Variants in TXNL4B observed in about 807,000 individuals in gnomAD.
TXNL4B encodes the protein thioredoxin-like protein 4B.
A neutral mutation model predicts 13.0 loss-of-function variants in TXNL4B; 12 were observed. The ratio of observed to expected loss-of-function variants is 0.92; its 90% CI spans 0.59 to 1.49. TXNL4B has a LOEUF of 1.49. TXNL4B is among the 40% of genes most tolerant of loss of function. The probability of loss-of-function intolerance (pLI) is 0.00; values close to 1 mark genes in which losing one functional copy is unlikely to be tolerated. For missense variants in TXNL4B, 214 were observed against 173.6 expected (o/e 1.23, Z -1.31); for synonymous variants, 59 against 58.9 (o/e 1.00, Z -0.01).
intron 1 of TXNL4B, among the ~76,000 whole-genome samples, chr16:72,093,139 C>CA (rs1567599875): frequency 6.6e-6 from 1 of 151,462 alleles, no homozygotes; most frequent in Admixed American, 6.6e-5. Context: ...GCAGAAACAC[C>CA]AAAAAAAGAA....
At chr16:72,092,419 CAA>C (rs34306814) in intron 1 of TXNL4B, among the ~76,000 whole-genome samples, 5 of 135,364 alleles carry the variant, frequency 3.7e-5, no homozygotes, top group Admixed American at 7.6e-5. Flanking sequence ...GCTCCGTCTC[CAA>C]AAAAAAAAAA....
Position 72,086,418 on chromosome 16 carries a change from G to C in TXNL4B, c.*219C>G, listed in dbSNP as rs1597426898. 1 of 413,960 alleles carries C rather than the reference G, an allele frequency of 2.4e-6. No individual in the cohort carries two copies. Among genetic ancestry groups the C allele is most frequent in the East Asian group, 3.6e-5 (1 of 27,898 alleles). 25.6% of individuals were successfully genotyped at this position (413,960 alleles called of 1,614,324 possible). On this transcript the variant is annotated 3_prime_UTR_variant, in exon 4 of 4. Transcript: ENST00000268483. ...TGGGGAAAATGAACACCAATGACTTGGCTGCTCTGAGGCTTGCAGGGAGTA... is the reference window on the plus strand; with the variant it reads ...TGGGGAAAATGAACACCAATGACTTCGCTGCTCTGAGGCTTGCAGGGAGTA...
chr16:72,089,660 G>A (rs563279367), intron 2 of TXNL4B, among the ~76,000 whole-genome samples: 1 of 152,326 alleles, frequency 6.6e-6, no homozygotes, highest in South Asian at 2.1e-4. Flanking sequence ...AATATGTTAT[G>A]TGGATACTGA....
chr16:72,089,849 G>T (rs939391248), intron 2 of TXNL4B, among the ~76,000 whole-genome samples: 1 of 152,172 alleles, frequency 6.6e-6, no homozygotes, highest in South Asian at 2.1e-4. Context: ...CCATTTTATA[G>T]ATAGGGAAAC....
rs558244948 is a variant in TXNL4B at position 72,092,046 on chromosome 16, C to A, written c.-37-1260G>T. On this transcript the variant is annotated intron_variant, in intron 1 of 3. Transcript: ENST00000268483. ...CTATAAGAGACTCCATTGAGATGGTCGGTATTTTGAATTCAGTTCCAAATA... is the reference window on the plus strand; with the variant it reads ...CTATAAGAGACTCCATTGAGATGGTAGGTATTTTGAATTCAGTTCCAAATA... Among the ~76,000 whole-genome samples the A allele has an allele frequency of 5.6e-4, 85 of 152,268 alleles. 1 individual carries two copies. Among genetic ancestry groups the A allele is most frequent in the African/African-American group, 1.8e-3 (73 of 41,548 alleles).
chr16:72,088,137 T>G (rs150919531), intron 3 of TXNL4B, among the ~76,000 whole-genome samples: 1 of 152,252 alleles, frequency 6.6e-6, no homozygotes, highest in African/African-American at 2.4e-5. Context: ...CTAATTTTTG[T>G]ATTTTTAGTA....
rs1362049253 is a variant in TXNL4B, at chr16:72,085,341, C to T, written c.*1296G>A. ...GGCTGCTAGGCAGGTCACAAGCTGC[C>T]TCACCCATGGCTCTCCAGCTCTGCA... On this transcript the variant is annotated 3_prime_UTR_variant, in exon 4 of 4. Transcript: ENST00000268483. 3.9e-6 allele frequency: 1 copy of T among 254,346 alleles called. No individual in the cohort carries two copies. The highest frequency in any genetic ancestry group is 7.4e-6 in the Non-Finnish European group (1 of 135,576). The allele number at this position is 254,346 out of a possible 1,614,324, so 15.8% of individuals were successfully genotyped here. A position where few individuals can be genotyped will look rare whatever the true frequency, so the allele number is the denominator to read the frequency against.
chr16:72,091,577 G>T (rs184613117), intron 1 of TXNL4B, among the ~76,000 whole-genome samples: 282 of 152,318 alleles, frequency 1.9e-3, no homozygotes, highest in Non-Finnish European at 2.4e-3. Context: ...CCTAACCTAT[G>T]AAGATTGCCC....
intron 2 of TXNL4B, among the ~76,000 whole-genome samples, chr16:72,089,537 T>C (rs963298018): frequency 9.9e-5 from 15 of 152,160 alleles, no homozygotes; most frequent in African/African-American, 3.6e-4. Flanking sequence ...TGTTAAGAGC[T>C]GAGCATACAA....
Position 72,085,131 on chromosome 16 carries a change from T to C in TXNL4B, c.*1506A>G, listed in dbSNP as rs542693171. On this transcript the variant is annotated 3_prime_UTR_variant, in exon 4 of 4. Coordinates refer to ENST00000268483, the MANE Select transcript of TXNL4B (RefSeq NM_017853.3). ...TTATTCCTGGAGTGACTCCCTCCTCTTATCAGCAGGGATACAAGCAGTGCC... is the reference window on the plus strand; with the variant it reads ...TTATTCCTGGAGTGACTCCCTCCTCCTATCAGCAGGGATACAAGCAGTGCC... 2.5e-6 allele frequency: 1 copy of C among 397,762 alleles called. No homozygotes were observed. Among genetic ancestry groups the C allele is most frequent in the Admixed American group, 4.4e-5 (1 of 22,726 alleles). The allele number at this position is 397,762 out of a possible 1,614,324, so 24.6% of individuals were successfully genotyped here. A position where few individuals can be genotyped will look rare whatever the true frequency, so the allele number is the denominator to read the frequency against.
rs369144980 is a variant in TXNL4B at position 72,090,670 on chromosome 16, A to G, written c.80T>C (p.Val27Ala). ...ATCTTCATCTCTCCCAAACCTGAGA[A>G]CCAACACCTTCTCAGCAGTACTTTT... ...AIKSTAEKVL[V>A]LRFGRDEDPV... is the part of the protein sequence containing the mutation. The change falls in exon 2 of 4, where the codon GTT becomes GCT. Residue 27 changes from valine to alanine, a missense_variant. Coordinates refer to ENST00000268483, the MANE Select transcript of TXNL4B (RefSeq NM_017853.3). 81 of 1,614,098 alleles carry G rather than the reference A, an allele frequency of 5.0e-5. No homozygotes were observed. In the African/African-American group the frequency reaches 1.0e-3, roughly 20 times the overall value.
rs1309816015 is a variant in TXNL4B at position 72,086,689 on chromosome 16, G to A, written c.398C>T (p.Pro133Leu). Reference sequence around the variant, plus strand: ...TTTGGGAATATTCTTGGGATCAATAGGACTTTGGACAATAAGCTTCCCCCT... The same window carrying A: ...TTTGGGAATATTCTTGGGATCAATAAGACTTTGGACAATAAGCTTCCCCCT... The part of the protein sequence containing the change: ...AMRGKLIVQS[P>L]IDPKNIPKYD... The change falls in exon 4 of 4, where the codon CCT (proline) becomes CTT (leucine). Residue 133 changes from proline to leucine, a missense_variant. Transcript: ENST00000268483. 3 of 1,613,744 alleles carry A rather than the reference G, an allele frequency of 1.9e-6. No homozygotes were observed. Among genetic ancestry groups the A allele is most frequent in the Non-Finnish European group, 8.5e-7 (1 of 1,179,774 alleles).
chr16:72,092,045 T>C (rs921884319), intron 1 of TXNL4B, among the ~76,000 whole-genome samples: 1 of 152,214 alleles, frequency 6.6e-6, no homozygotes, highest in African/African-American at 2.4e-5. Context: ...ATTGAGATGG[T>C]CGGTATTTTG....
At chr16:72,089,239 T>A in intron 2 of TXNL4B, 101 bp from the exon 3 acceptor site, 1 of 1,053,916 alleles carries the variant, frequency 9.5e-7, no homozygotes, top group South Asian at 1.6e-5. Context: ...TTGAAAAAAC[T>A]CCTGGGCCAA....
chr16:72,092,634 C>T (rs1280164259), intron 1 of TXNL4B, among the ~76,000 whole-genome samples: 1 of 152,010 alleles, frequency 6.6e-6, no homozygotes, highest in Non-Finnish European at 1.5e-5. Flanking sequence ...TGTTACTGAT[C>T]GAAAGGAGAA....
chr16:72,087,686 G>A (rs1432882869), intron 3 of TXNL4B, among the ~76,000 whole-genome samples: 3 of 151,728 alleles, frequency 2.0e-5, no homozygotes, highest in South Asian at 4.1e-4. Context: ...GTTGTTTTGC[G>A]ATGGAGCCTT....
Position 72,085,206 on chromosome 16 carries a change from C to T in TXNL4B, c.*1431G>A. The T allele has an allele frequency of 7.7e-6, 3 of 391,330 alleles. No homozygotes were observed. Among genetic ancestry groups the T allele is most frequent in the Non-Finnish European group, 9.0e-6 (2 of 222,172 alleles). 24.2% of individuals were successfully genotyped at this position (391,330 alleles called of 1,614,324 possible). A position where few individuals can be genotyped will look rare whatever the true frequency, so the allele number is the denominator to read the frequency against. On this transcript the variant is annotated 3_prime_UTR_variant, in exon 4 of 4. Transcript: ENST00000268483. ...TGAGCCAAAAGCAAGACTCATGGCACCCCTCCCTGCAGGAAAGGGGTGGAA... is the reference window on the plus strand; with the variant it reads ...TGAGCCAAAAGCAAGACTCATGGCATCCCTCCCTGCAGGAAAGGGGTGGAA...
At chr16:72,090,193 T>C (rs1049433711) in intron 2 of TXNL4B, 6 of 456,460 alleles carry the variant, frequency 1.3e-5, no homozygotes, top group African/African-American at 1.2e-4. Flanking sequence ...AAAGATTATT[T>C]GCAGCTACAG....
chr16:72,091,194 C>T (rs571810016), intron 1 of TXNL4B, among the ~76,000 whole-genome samples: 14 of 152,190 alleles, frequency 9.2e-5, no homozygotes, highest in Non-Finnish European at 1.6e-4. Flanking sequence ...AAAAACAATA[C>T]GGTAAAGTGT....
Sources: allele counts gnomAD v4.1 joint callset (sites outside exome capture counted in the v4.1 genomes callset), GRCh38; gene constraint gnomAD v4.1.1; transcripts MANE v1.5; gene names NCBI Gene and HGNC (gene_info 2026-07-23, HGNC 2026-07-21).